The following KDM5C variants were observed in gnomAD, a reference collection of about 807,000 sequenced individuals.
KDM5C encodes the protein lysine-specific demethylase 5C.
Under a neutral mutation model 110.6 loss-of-function variants are expected in KDM5C, and 16 were observed. That is an observed-to-expected ratio of 0.14 (90% confidence interval 0.10 to 0.22). The LOEUF (loss-of-function observed/expected upper bound fraction) is 0.22. Among genes scored for constraint, KDM5C ranks in the 10% least tolerant of loss-of-function variants. The pLI, the probability that KDM5C is intolerant of heterozygous loss-of-function variation, is 1.00. For missense variants in KDM5C, 681 were observed against 1,300.9 expected, an observed-to-expected ratio of 0.52 and a Z score of 7.33; for synonymous variants, 511 against 520.4, an observed-to-expected ratio of 0.98 and a Z score of 0.24.
chrX:53,221,689 C>T (rs2073901858), intron 1 of KDM5C: 1 of 946,058 alleles, frequency 1.1e-6, no homozygotes. Flanking sequence ...ATCACTCACC[C>T]AGTCTGGAAG....
At chrX:53,190,522 C>T (rs1220132678), downstream of KDM5C, among the ~76,000 whole-genome samples, 6 of 112,157 alleles carry the variant, frequency 5.3e-5, no homozygotes, top group Non-Finnish European at 9.4e-5. Flanking sequence ...GATTGAGCCC[C>T]TTCCTGCCCA....
At chrX:53,213,404 A>T (rs1262865109) in intron 8 of KDM5C, among the ~76,000 whole-genome samples, 1 of 112,019 alleles carries the variant, frequency 8.9e-6, no homozygotes, top group Non-Finnish European at 1.9e-5. Context: ...CGGTCTCTAC[A>T]ACCACAGTTG....
chrX:53,182,926 A>G (rs1251864222), intron 25 of KDM5C, among the ~76,000 whole-genome samples: 1 of 111,811 alleles, frequency 8.9e-6, no homozygotes. Flanking sequence ...ATCCAAGGTC[A>G]TGAACATTAA....
chrX:53,206,863 C>CAAAA (rs58880985), intron 12 of KDM5C, among the ~76,000 whole-genome samples: 20 of 22,346 alleles, frequency 9.0e-4, no homozygotes, highest in African/African-American at 4.0e-3. Context: ...GATTCCTTCT[C>CAAAA]AAAAAAAAAA....
downstream of KDM5C, among the ~76,000 whole-genome samples, chrX:53,190,715 C>G (rs1180980173): frequency 8.9e-6 from 1 of 111,919 alleles, no homozygotes; most frequent in Non-Finnish European, 1.9e-5. Context: ...AACTGGAAGA[C>G]TAGATGAAGC....
chrX:53,213,063 C>T (rs958182047), intron 8 of KDM5C, among the ~76,000 whole-genome samples: 15 of 112,129 alleles, frequency 1.3e-4, no homozygotes, highest in Non-Finnish European at 2.4e-4. Flanking sequence ...AGTATCAAAC[C>T]CTCCACTAAT....
At chrX:53,195,783 C>T (rs1934797298) in intron 20 of KDM5C, 133 bp downstream of exon 20, 3 of 687,306 alleles carry the variant, frequency 4.4e-6, no homozygotes, top group Admixed American at 2.8e-5. Flanking sequence ...ATCTTGCCTC[C>T]TGACTACATG....
Position 53,192,722 on chromosome X carries a change from G to A in KDM5C, c.*245C>T. The A allele has an allele frequency of 8.6e-7, 1 of 1,160,705 alleles. No homozygotes were observed. The highest frequency in any genetic ancestry group is 1.1e-6 in the Non-Finnish European group (1 of 869,594). On this transcript the variant is annotated 3_prime_UTR_variant, in exon 26 of 26. Transcript: ENST00000375401. ...GCCCATCCATCTATCTGCCTCAGGT[G>A]TCTGGGAATGCTGGTTAGAGGCTAC...
chrX:53,192,628 G>A lies in KDM5C; in HGVS notation c.*339C>T. On this transcript the variant is annotated 3_prime_UTR_variant, in exon 26 of 26. Transcript: ENST00000375401. ...GGAGAGAAGGGAGGAGAGTCCCCCA[G>A]TTTGCATATACACTGGCCTTGTCTC... The A allele has an allele frequency of 1.2e-6, 1 of 811,363 alleles. No homozygotes were observed. The highest frequency in any genetic ancestry group is 1.8e-6 in the Non-Finnish European group (1 of 560,561). 66.9% of individuals were successfully genotyped at this position (811,363 alleles called of 1,213,427 possible). A position where few individuals can be genotyped will look rare whatever the true frequency, so the allele number is the denominator to read the frequency against.
chrX:53,206,770 G>A (rs1250453509), intron 12 of KDM5C, among the ~76,000 whole-genome samples: 1 of 103,168 alleles, frequency 9.7e-6, no homozygotes, highest in Non-Finnish European at 2.0e-5. Context: ...AGGCTAAGGC[G>A]GAAGAATCGC....
intron 12 of KDM5C, among the ~76,000 whole-genome samples, chrX:53,207,178 CAAAA>C (rs56948247): frequency 5.0e-5 from 2 of 40,299 alleles, no homozygotes; most frequent in African/African-American, 2.0e-4. Context: ...ACTCCTTCTC[CAAAA>C]AAAAAAAAAA....
At chrX:53,205,539 C>T (rs781925336) in intron 12 of KDM5C, among the ~76,000 whole-genome samples, 1 of 112,324 alleles carries the variant, frequency 8.9e-6, no homozygotes, top group Non-Finnish European at 1.9e-5. Context: ...CAGCTGAGAG[C>T]CTCTCACTGG....
At chrX:53,208,748 G>A (rs1454921643) in intron 12 of KDM5C, among the ~76,000 whole-genome samples, 7 of 101,492 alleles carry the variant, frequency 6.9e-5, no homozygotes, top group African/African-American at 2.2e-4. Context: ...CAGGTGATCC[G>A]GCCGCCTCAG....
chrX:53,217,116 C>G (rs370996158), intron 5 of KDM5C, 27 bp downstream of exon 5: 308 of 1,195,484 alleles, frequency 2.6e-4, no homozygotes, highest in Non-Finnish European at 3.3e-4. Context: ...CCTCAAAGCT[C>G]TAAGTTCGAA....
chrX:53,179,675 T>A (rs1354996601), intron 25 of KDM5C, among the ~76,000 whole-genome samples: 1 of 111,700 alleles, frequency 9.0e-6, no homozygotes, highest in Non-Finnish European at 1.9e-5. Flanking sequence ...CAAATAAGCA[T>A]GTTAAAAGAT....
In KDM5C at chrX:53,214,791, C is replaced by T. The variant is rs781992139; in HGVS notation, c.1020G>A (p.Leu340=). The change falls in exon 8 of 26, where the codon CTG becomes CTA. Residue 340 remains leucine, a synonymous_variant. Transcript: ENST00000375401. ...AGTTGTCATCACAGCCATCACACAG[C>T]AGGAGCTTGTCATCCTCATCCCCTC... The part of the protein sequence containing the change: ...CSRGDEDDKL[L]LCDGCDDNYH... The T allele has an allele frequency of 2.5e-5, 30 of 1,210,276 alleles. No individual in the cohort carries two copies. The highest frequency in any genetic ancestry group is 3.1e-5 in the Non-Finnish European group (28 of 895,186).
intron 7 of KDM5C, chrX:53,215,105 G>A: frequency 2.1e-6 from 1 of 481,442 alleles, no homozygotes; most frequent in Non-Finnish European, 3.8e-6. Flanking sequence ...ACAAAGACAA[G>A]ACATGGTATC....
chrX:53,187,080 A>G (rs1359619764), downstream of KDM5C, among the ~76,000 whole-genome samples: 9 of 111,783 alleles, frequency 8.1e-5, no homozygotes, highest in East Asian at 2.8e-4. Context: ...TCTTTGCCCA[A>G]TGGATTCCTG....
chrX:53,205,621 C>T (rs782343443), intron 12 of KDM5C, among the ~76,000 whole-genome samples: 2 of 112,408 alleles, frequency 1.8e-5, no homozygotes, highest in African/African-American at 6.5e-5. Context: ...GGGATCACTG[C>T]TCCTACAAAA....
Sources: gnomAD v4.1 joint callset for allele counts (sites outside exome capture counted in the v4.1 genomes callset) on GRCh38, gnomAD v4.1.1 for gene constraint, MANE v1.5 for transcripts, NCBI Gene and HGNC (gene_info 2026-07-23, HGNC 2026-07-21) for gene names.